The following ARSB variants were observed in gnomAD, a reference collection of about 807,000 sequenced individuals.
ARSB encodes the protein arylsulfatase B, also known as N-acetylgalactosamine-4-sulfatase.
ARSB carries 41 observed loss-of-function variants against 50.9 expected under a neutral mutation model. The ratio of observed to expected loss-of-function variants is 0.81; its 90% CI spans 0.63 to 1.04. ARSB has a LOEUF of 1.04. Among genes scored for constraint, ARSB ranks in the 50% least tolerant of loss-of-function variants. ARSB has a pLI of 0.00. For synonymous variants in ARSB, 269 were observed against 284.8 expected (o/e 0.94, Z 0.56); for missense variants, 672 against 693.3 (o/e 0.97, Z 0.35).
chr5:78,867,559 C>A (rs1399136777), intron 5 of ARSB, among the ~76,000 whole-genome samples: 1 of 152,014 alleles, frequency 6.6e-6, no homozygotes, highest in South Asian at 2.1e-4. Context: ...CAGGGGCACA[C>A]TGACACCTCA....
intron 4 of ARSB, among the ~76,000 whole-genome samples, chr5:78,921,568 C>A (rs1370407065): frequency 6.6e-6 from 1 of 152,012 alleles, no homozygotes; most frequent in Non-Finnish European, 1.5e-5. Flanking sequence ...TTTAATGTGG[C>A]TATTTAAAAT....
intron 5 of ARSB, among the ~76,000 whole-genome samples, chr5:78,867,601 G>A (rs1746849953): frequency 6.6e-6 from 1 of 152,180 alleles, no homozygotes; most frequent in East Asian, 1.9e-4. Flanking sequence ...ACCTGCAGCT[G>A]AGGGTCCTGT....
At chr5:78,792,322 C>T (rs1390243893) in intron 6 of ARSB, among the ~76,000 whole-genome samples, 4 of 149,852 alleles carry the variant, frequency 2.7e-5, no homozygotes, top group Non-Finnish European at 5.9e-5. Flanking sequence ...GAGGTTGCAG[C>T]GAGCCGAGAT....
intron 6 of ARSB, among the ~76,000 whole-genome samples, chr5:78,825,510 GT>G (rs1454021600): frequency 6.6e-6 from 1 of 152,092 alleles, no homozygotes; most frequent in African/African-American, 2.4e-5. Flanking sequence ...TCTAACATTT[GT>G]TTTTTAAAAC....
intron 3 of ARSB, among the ~76,000 whole-genome samples, chr5:78,963,074 A>G (rs1752061380): frequency 6.6e-6 from 1 of 152,182 alleles, no homozygotes; most frequent in African/African-American, 2.4e-5. Context: ...TGGGTCATGG[A>G]GGTGGATCCC....
chr5:78,795,134 C>T (rs1048580707), intron 6 of ARSB, among the ~76,000 whole-genome samples: 5 of 152,196 alleles, frequency 3.3e-5, no homozygotes, highest in Admixed American at 2.6e-4. Flanking sequence ...TTGTTATCAT[C>T]ATCATATAGT....
intron 5 of ARSB, among the ~76,000 whole-genome samples, chr5:78,852,884 T>G (rs1170151936): frequency 1.4e-4 from 22 of 152,248 alleles, no homozygotes; most frequent in Non-Finnish European, 2.5e-4. Flanking sequence ...CATGTAGTTC[T>G]CGAGCCTTGG....
intron 6 of ARSB, among the ~76,000 whole-genome samples, chr5:78,803,069 TTG>T (rs941292488): frequency 2.0e-5 from 3 of 152,232 alleles, no homozygotes; most frequent in African/African-American, 7.2e-5. Flanking sequence ...CATTATTTGG[TTG>T]TGTTTGCTCT....
chr5:78,914,187 A>T (rs1749441834), intron 4 of ARSB, among the ~76,000 whole-genome samples: 1 of 152,112 alleles, frequency 6.6e-6, no homozygotes, highest in Admixed American at 6.6e-5. Flanking sequence ...CTGGTCTCAA[A>T]TTCCTGGCCT....
chr5:78,847,990 G>A (rs1006655590), intron 5 of ARSB, among the ~76,000 whole-genome samples: 5 of 151,482 alleles, frequency 3.3e-5, no homozygotes, highest in Admixed American at 6.6e-5. Flanking sequence ...TTTGTTAATC[G>A]TTTCAAAAAC....
chr5:78,980,549 T>TCAA (rs954572438), intron 1 of ARSB, among the ~76,000 whole-genome samples: 11 of 152,164 alleles, frequency 7.2e-5, no homozygotes, highest in African/African-American at 2.7e-4. Context: ...TAATCTTTAG[T>TCAA]CAACAAAATG....
At chr5:78,789,226 A>T (rs955851108) in intron 6 of ARSB, among the ~76,000 whole-genome samples, 1 of 152,242 alleles carries the variant, frequency 6.6e-6, no homozygotes, top group Non-Finnish European at 1.5e-5. Context: ...AAAACATGAA[A>T]AGGAAAATAA....
intron 6 of ARSB, among the ~76,000 whole-genome samples, chr5:78,812,234 G>A (rs1319482653): frequency 6.6e-6 from 1 of 152,162 alleles, no homozygotes; most frequent in Non-Finnish European, 1.5e-5. Context: ...TGTCTGCTAG[G>A]TCCTGGGAAA....
intron 5 of ARSB, among the ~76,000 whole-genome samples, chr5:78,859,799 G>A (rs1412138483): frequency 6.6e-6 from 1 of 151,964 alleles, no homozygotes; most frequent in Non-Finnish European, 1.5e-5. Flanking sequence ...AATGCTGGCT[G>A]CTTTCCTCTC....
chr5:78,983,714 C>T (rs1753018386), intron 1 of ARSB, among the ~76,000 whole-genome samples: 1 of 152,158 alleles, frequency 6.6e-6, no homozygotes. Context: ...TAGCAACACC[C>T]AATCTTTCCT....
At chr5:78,905,987 T>G (rs1749048622) in intron 4 of ARSB, among the ~76,000 whole-genome samples, 1 of 150,942 alleles carries the variant, frequency 6.6e-6, no homozygotes, top group East Asian at 1.9e-4. Flanking sequence ...ATGTGGGTCT[T>G]CTTTTGAGAT....
At chr5:78,888,254 T>C (rs749084402) in intron 4 of ARSB, among the ~76,000 whole-genome samples, 3 of 152,226 alleles carry the variant, frequency 2.0e-5, no homozygotes, top group Non-Finnish European at 2.9e-5. Flanking sequence ...CCATTTCATA[T>C]TGAAGCTGAG....
chr5:78,792,875 C>T (rs962188664), intron 6 of ARSB, among the ~76,000 whole-genome samples: 1 of 152,140 alleles, frequency 6.6e-6, no homozygotes, highest in Admixed American at 6.5e-5. Context: ...GAGATCTGAA[C>T]CAGCTGCAAA....
intron 5 of ARSB, among the ~76,000 whole-genome samples, chr5:78,863,698 T>G (rs775212558): frequency 2.6e-5 from 4 of 152,074 alleles, no homozygotes; most frequent in Non-Finnish European, 4.4e-5. Flanking sequence ...ATGGCACATG[T>G]ATACATATGT....
Sources: gnomAD v4.1 joint callset for allele counts (sites outside exome capture counted in the v4.1 genomes callset) on GRCh38, gnomAD v4.1.1 for gene constraint, MANE v1.5 for transcripts, NCBI Gene and HGNC (gene_info 2026-07-23, HGNC 2026-07-21) for gene names.